The following CSTPP1 variants were observed in gnomAD, a reference collection of about 807,000 sequenced individuals.
CSTPP1 encodes centriolar satellite-associated tubulin polyglutamylase complex regulator 1, also known as UPF0705 protein C11orf49.
At chr11:47,093,999 G>A in the CSTPP1 span, among the ~76,000 whole-genome samples, 4 of 152,322 alleles carry the variant, frequency 2.6e-5, no homozygotes, top group South Asian at 8.3e-4. Flanking sequence ...ACTTGATGAT[G>A]TAGCATGTGA....
the CSTPP1 span, chr11:47,155,534 C>T: frequency 3.8e-6 from 2 of 530,756 alleles, no homozygotes; most frequent in East Asian, 6.2e-5. Context: ...GTGATAATGA[C>T]AATAACAACA....
At chr11:47,096,700 T>C in the CSTPP1 span, among the ~76,000 whole-genome samples, 1 of 152,098 alleles carries the variant, frequency 6.6e-6, no homozygotes, top group African/African-American at 2.4e-5. Context: ...TGTTACTGAC[T>C]AGTTGGTGAT....
the CSTPP1 span, among the ~76,000 whole-genome samples, chr11:47,105,396 G>A: frequency 2.0e-5 from 3 of 152,110 alleles, no homozygotes; most frequent in African/African-American, 7.2e-5. Flanking sequence ...AGCTACTCAG[G>A]AGGCTGAGGT....
the CSTPP1 span, chr11:47,160,003 A>G: frequency 3.5e-6 from 1 of 287,454 alleles, no homozygotes; most frequent in Admixed American, 4.8e-5. Flanking sequence ...AAACTCCATC[A>G]AATAAATAAA....
the CSTPP1 span, chr11:47,052,324 T>C: frequency 6.5e-7 from 1 of 1,545,040 alleles, no homozygotes; most frequent in South Asian, 1.3e-5. Context: ...GTCTCAATTT[T>C]TCATTCTGAT....
At chr11:47,027,782 GT>G in the CSTPP1 span, among the ~76,000 whole-genome samples, 1 of 152,172 alleles carries the variant, frequency 6.6e-6, no homozygotes, top group Admixed American at 6.5e-5. Flanking sequence ...GATAGTCCCT[GT>G]TGGATTTCTT....
At chr11:47,039,824 G>A in the CSTPP1 span, among the ~76,000 whole-genome samples, 3 of 128,402 alleles carry the variant, frequency 2.3e-5, 1 homozygote, top group East Asian at 6.3e-4. Context: ...GGGCGAAAGA[G>A]CGAGACTCCG....
chr11:47,015,917 A>G, the CSTPP1 span, among the ~76,000 whole-genome samples: 1 of 152,184 alleles, frequency 6.6e-6, no homozygotes, highest in African/African-American at 2.4e-5. Flanking sequence ...AATAGAGAAA[A>G]AGCATTTTAT....
the CSTPP1 span, among the ~76,000 whole-genome samples, chr11:47,014,330 GAAAGAAACAGA>G: frequency 7.3e-6 from 1 of 137,324 alleles, no homozygotes; most frequent in African/African-American, 2.8e-5. Context: ...GTAAAAGAGA[GAAAGAAACAGA>G]AAAGAAAGAG....
the CSTPP1 span, among the ~76,000 whole-genome samples, chr11:47,022,939 C>T: frequency 1.3e-5 from 2 of 152,134 alleles, no homozygotes; most frequent in African/African-American, 4.8e-5. Context: ...GTCATACAGC[C>T]AGGAAGATTT....
the CSTPP1 span, among the ~76,000 whole-genome samples, chr11:46,998,862 A>C: frequency 6.6e-6 from 1 of 151,954 alleles, no homozygotes; most frequent in East Asian, 1.9e-4. Flanking sequence ...CAGCCTCCCG[A>C]GTATCTGGGA....
the CSTPP1 span, among the ~76,000 whole-genome samples, chr11:47,034,796 G>A: frequency 6.6e-6 from 1 of 152,122 alleles, no homozygotes; most frequent in African/African-American, 2.4e-5. Context: ...ACTGCACCTG[G>A]TTGCCTCAAT....
the CSTPP1 span, among the ~76,000 whole-genome samples, chr11:46,986,361 A>G: frequency 6.6e-6 from 1 of 152,118 alleles, no homozygotes; most frequent in Admixed American, 6.6e-5. Context: ...TATTTACCAA[A>G]GTTAATAACT....
the CSTPP1 span, among the ~76,000 whole-genome samples, chr11:47,083,020 AT>A: frequency 6.6e-6 from 1 of 151,802 alleles, no homozygotes; most frequent in Non-Finnish European, 1.5e-5. Context: ...ATTTTTTCTA[AT>A]GTTCTCCCTC....
At chr11:46,950,864 T>C in the CSTPP1 span, among the ~76,000 whole-genome samples, 1 of 151,966 alleles carries the variant, frequency 6.6e-6, no homozygotes, top group South Asian at 2.1e-4. Context: ...CCTGACCTCA[T>C]GAGCCACCCG....
chr11:47,052,274 G>C, the CSTPP1 span: 1 of 1,321,754 alleles, frequency 7.6e-7, no homozygotes, highest in South Asian at 1.5e-5. Flanking sequence ...GAGTTTTGTT[G>C]GGGAGAAAAA....
the CSTPP1 span, among the ~76,000 whole-genome samples, chr11:46,968,216 G>A: frequency 6.6e-6 from 1 of 151,630 alleles, no homozygotes; most frequent in South Asian, 2.1e-4. Context: ...TAGTCTACTG[G>A]GGCCTAGCGC....
chr11:47,137,758 T>A, the CSTPP1 span: 1 of 1,603,830 alleles, frequency 6.2e-7, no homozygotes, highest in Non-Finnish European at 8.5e-7. Flanking sequence ...TGAAACCAAC[T>A]CAGCTCTCTG....
chr11:47,068,648 T>C, the CSTPP1 span, among the ~76,000 whole-genome samples: 1 of 152,206 alleles, frequency 6.6e-6, no homozygotes, highest in South Asian at 2.1e-4. Context: ...TTTTCTGCCA[T>C]TGCCTTTCCA....
Sources: gnomAD v4.1 joint callset for allele counts (sites outside exome capture counted in the v4.1 genomes callset) on GRCh38, gnomAD v4.1.1 for gene constraint, MANE v1.5 for transcripts, NCBI Gene and HGNC (gene_info 2026-07-23, HGNC 2026-07-21) for gene names.